The following ASXL2 variants were observed in gnomAD, a reference collection of about 807,000 sequenced individuals.
ASXL2 encodes ASXL transcriptional regulator 2.
ASXL2 carries 23 observed loss-of-function variants against 122.0 expected under a neutral mutation model. The ratio of observed to expected loss-of-function variants is 0.19; its 90% CI spans 0.14 to 0.27. The LOEUF is 0.27. Ranked by LOEUF, ASXL2 falls within the 10% of genes least tolerant of loss-of-function variation. The probability of loss-of-function intolerance (pLI) is 1.00; values close to 1 mark genes in which losing one functional copy is unlikely to be tolerated. For synonymous variants in ASXL2, 650 were observed against 637.0 expected (o/e 1.02, Z -0.31); for missense variants, 1,518 against 1,713.8 (o/e 0.89, Z 2.02).
At chr2:25,852,291 G>C (rs768967994) in intron 1 of ASXL2, among the ~76,000 whole-genome samples, 2 of 152,176 alleles carry the variant, frequency 1.3e-5, no homozygotes, top group Non-Finnish European at 2.9e-5. Flanking sequence ...TTAGCTTGTA[G>C]ATTCCCAATT....
intron 5 of ASXL2, among the ~76,000 whole-genome samples, chr2:25,788,424 T>G (rs923235835): frequency 6.6e-6 from 1 of 152,210 alleles, no homozygotes; most frequent in African/African-American, 2.4e-5. Context: ...TACAATTAAT[T>G]CTACTTTTTA....
Position 25,740,690 on chromosome 2 carries a change from AT to A in ASXL2, c.*1338del. 4.5e-6 allele frequency: 1 copy of A among 220,762 alleles called. No homozygotes were observed. The highest frequency in any genetic ancestry group is 9.1e-6 in the Non-Finnish European group (1 of 110,254). 13.7% of individuals were successfully genotyped at this position (220,762 alleles called of 1,614,324 possible). A position where few individuals can be genotyped will look rare whatever the true frequency, so the allele number is the denominator to read the frequency against. ...AGCAACCAAAAAACCTTTAGGGCTCATTTTCCTTCCTTTCCAGATGTTCCCT... is the reference window on the plus strand; with the variant it reads ...AGCAACCAAAAAACCTTTAGGGCTCATTTCCTTCCTTTCCAGATGTTCCCT... On this transcript the variant is annotated 3_prime_UTR_variant, in exon 13 of 13. Coordinates refer to ENST00000435504, the MANE Select transcript of ASXL2 (RefSeq NM_018263.6).
intron 5 of ASXL2, among the ~76,000 whole-genome samples, chr2:25,785,665 G>A (rs948619108): frequency 6.6e-6 from 1 of 152,018 alleles, no homozygotes; most frequent in African/African-American, 2.4e-5. Context: ...TCCTGCCTCA[G>A]CCTCCCAAGT....
intron 3 of ASXL2, among the ~76,000 whole-genome samples, chr2:25,808,916 T>C (rs571232734): frequency 2.2e-4 from 33 of 152,254 alleles, no homozygotes; most frequent in Non-Finnish European, 2.9e-5. Flanking sequence ...ATCAGCAAAC[T>C]GCCAGCCCAC....
chr2:25,792,884 G>A (rs981754596), intron 5 of ASXL2, among the ~76,000 whole-genome samples: 2 of 152,018 alleles, frequency 1.3e-5, no homozygotes, highest in Non-Finnish European at 2.9e-5. Context: ...GGGATTACAG[G>A]CGTGAGCCAC....
At chr2:25,760,174 G>A (rs958728135) in intron 8 of ASXL2, among the ~76,000 whole-genome samples, 1 of 151,176 alleles carries the variant, frequency 6.6e-6, no homozygotes, top group Non-Finnish European at 1.5e-5. Flanking sequence ...GTACACAAAG[G>A]ATTAAAATGT....
At chr2:25,769,577 T>C (rs988825039) in intron 6 of ASXL2, among the ~76,000 whole-genome samples, 1 of 151,878 alleles carries the variant, frequency 6.6e-6, no homozygotes, top group African/African-American at 2.4e-5. Context: ...TTGATAATGC[T>C]ATTTAAAATG....
In ASXL2 at chr2:25,743,782, T is replaced by C. The variant is rs1192240537; in HGVS notation, c.2555A>G (p.Asp852Gly). 1.2e-6 allele frequency: 2 copies of C among 1,614,040 alleles called. No individual in the cohort carries two copies. Among genetic ancestry groups the C allele is most frequent in the East Asian group, 2.2e-5 (1 of 44,892 alleles). Residue 852 changes from aspartate (D) to glycine (G), a missense_variant, in exon 13 of 13, where the codon GAT (aspartate) becomes GGT (glycine). Asp to Gly is a moderately conservative substitution (Grantham distance 94, BLOSUM62 -1). This residue lies in a region of ASXL2 where 831 missense variants were observed against 833.1 expected (regional missense o/e 1.00). Transcript: ENST00000435504. ...ACCTGCTTTGAGCTCAACTGTGCCA[T>C]CAGCTGCACAATGAACAGGTGAGGC... ...SGASPVHCAADGTVELKAGPS... is the reference protein window; with the variant it reads ...SGASPVHCAAGGTVELKAGPS...
In ASXL2 at chr2:25,749,613, A is replaced by C. The variant is rs2088004208; in HGVS notation, c.1860+83T>G. 4 of 1,119,152 alleles carry C rather than the reference A, an allele frequency of 3.6e-6. No individual in the cohort carries two copies. The East Asian group carries it at 1.1e-4, about 30-fold the overall frequency. 69.3% of individuals were successfully genotyped at this position (1,119,152 alleles called of 1,614,324 possible). A position where few individuals can be genotyped will look rare whatever the true frequency, so the allele number is the denominator to read the frequency against. On this transcript the variant is annotated intron_variant, in intron 12 of 12. Transcript: ENST00000435504. The stretch of plus-strand genomic sequence containing the variant: ...CTGCTTCTGCATTAAGAACTACCAC[A>C]ATTTACTTGAAATTTAGTAGGTATG...
chr2:25,877,010 ATG>A (rs1217897830), intron 1 of ASXL2, among the ~76,000 whole-genome samples: 1 of 152,220 alleles, frequency 6.6e-6, no homozygotes, highest in East Asian at 1.9e-4. Flanking sequence ...GGTGAAATAA[ATG>A]TGATTTTTTT....
intron 8 of ASXL2, among the ~76,000 whole-genome samples, chr2:25,764,537 C>G (rs2088310449): frequency 1.3e-5 from 2 of 152,134 alleles, no homozygotes; most frequent in African/African-American, 4.8e-5. Flanking sequence ...CCACATGCAG[C>G]CTGTGGTGGG....
intron 8 of ASXL2, among the ~76,000 whole-genome samples, chr2:25,766,620 C>T (rs1216928388): frequency 6.6e-6 from 1 of 152,126 alleles, no homozygotes; most frequent in African/African-American, 2.4e-5. Flanking sequence ...ATCTCAAGCT[C>T]GAACACGATG....
rs554886929 is a variant in ASXL2 at position 25,736,111 on chromosome 2, T to C, written c.*5918A>G. 1.3e-5 allele frequency: 2 copies of C among 152,350 alleles called. No homozygotes were observed. Among genetic ancestry groups the C allele is most frequent in the African/African-American group, 4.8e-5 (2 of 41,590 alleles). 9.4% of individuals were successfully genotyped at this position (152,350 alleles called of 1,614,324 possible). ...TACTTGAATTAGTAAATAACATGAT[T>C]TGTACATAAAAAGTTACCAGACTTC... On this transcript the variant is annotated 3_prime_UTR_variant, in exon 13 of 13. Transcript: ENST00000435504.
Position 25,738,115 on chromosome 2 carries a change from C to T in ASXL2, c.*3914G>A, listed in dbSNP as rs1160550745. ...TAATTTGTGCCTTAACAGTGAGGTCCTACATCAAACATACCATATATGAGA... is the reference window on the plus strand; with the variant it reads ...TAATTTGTGCCTTAACAGTGAGGTCTTACATCAAACATACCATATATGAGA... On this transcript the variant is annotated 3_prime_UTR_variant, in exon 13 of 13. Coordinates refer to ENST00000435504, the MANE Select transcript of ASXL2 (RefSeq NM_018263.6). 6.6e-6 allele frequency: 1 copy of T among 152,062 alleles called. No individual in the cohort carries two copies. Among genetic ancestry groups the T allele is most frequent in the Non-Finnish European group, 1.5e-5 (1 of 67,988 alleles). The allele number at this position is 152,062 out of a possible 1,614,324, so 9.4% of individuals were successfully genotyped here. A position where few individuals can be genotyped will look rare whatever the true frequency, so the allele number is the denominator to read the frequency against.
At chr2:25,770,173 T>C (rs2088421766) in intron 6 of ASXL2, among the ~76,000 whole-genome samples, 1 of 152,234 alleles carries the variant, frequency 6.6e-6, no homozygotes, top group South Asian at 2.1e-4. Flanking sequence ...ATTGCATCTA[T>C]TTCTGCTGTG....
chr2:25,795,594 C>A (rs1396309214), intron 5 of ASXL2, among the ~76,000 whole-genome samples: 2 of 152,134 alleles, frequency 1.3e-5, no homozygotes, highest in African/African-American at 4.8e-5. Flanking sequence ...CAAGTATATT[C>A]CCATTTTACA....
chr2:25,760,424 T>G (rs1176496444), intron 8 of ASXL2, among the ~76,000 whole-genome samples: 1 of 152,138 alleles, frequency 6.6e-6, no homozygotes, highest in African/African-American at 2.4e-5. Flanking sequence ...CATATTTGTC[T>G]ATGAAAATGG....
rs764237396 is a variant in ASXL2 at position 25,741,395 on chromosome 2, G to A, written c.*634C>T. On this transcript the variant is annotated 3_prime_UTR_variant, in exon 13 of 13. Transcript: ENST00000435504. ...TAGTAACTAGTACAGTAGAAGCCAA[G>A]AACCAAGTCAGGGCTTTCAGAGTCT... The A allele has an allele frequency of 4.9e-5, 11 of 225,858 alleles. No individual in the cohort carries two copies. The highest frequency in any genetic ancestry group is 8.8e-5 in the Non-Finnish European group (10 of 113,606). 14.0% of individuals were successfully genotyped at this position (225,858 alleles called of 1,614,324 possible). A position where few individuals can be genotyped will look rare whatever the true frequency, so the allele number is the denominator to read the frequency against.
At chr2:25,842,838 T>C (rs1238498634) in intron 2 of ASXL2, among the ~76,000 whole-genome samples, 1 of 151,576 alleles carries the variant, frequency 6.6e-6, no homozygotes, top group Non-Finnish European at 1.5e-5. Context: ...TGTTTGTTTT[T>C]TGAGACAGAG....
Sources: allele counts gnomAD v4.1 joint callset (sites outside exome capture counted in the v4.1 genomes callset), GRCh38; gene constraint gnomAD v4.1.1; regional missense constraint gnomAD v4.1.1; transcripts MANE v1.5; gene names NCBI Gene and HGNC (gene_info 2026-07-23, HGNC 2026-07-21).